The following FAM234A variants were observed in gnomAD, a reference collection of about 807,000 sequenced individuals.
FAM234A encodes protein FAM234A.
Under a neutral mutation model 49.1 loss-of-function variants are expected in FAM234A, and 42 were observed. The ratio of observed to expected loss-of-function variants is 0.86; its 90% CI spans 0.67 to 1.11. FAM234A has a LOEUF of 1.11. Among genes scored for constraint, FAM234A ranks in the 50% least tolerant of loss-of-function variants. The probability of loss-of-function intolerance (pLI) is 0.00; values close to 1 mark genes in which losing one functional copy is unlikely to be tolerated. For synonymous variants in FAM234A, 369 were observed against 316.2 expected, an observed-to-expected ratio of 1.17 and a Z score of -1.77; for missense variants, 815 against 745.2, an observed-to-expected ratio of 1.09 and a Z score of -1.09.
At chr16:257,530 GC>G (rs1337188195) in intron 3 of FAM234A, among the ~76,000 whole-genome samples, 2 of 152,038 alleles carry the variant, frequency 1.3e-5, no homozygotes, top group Non-Finnish European at 2.9e-5. Context: ...ACAGGCGTGA[GC>G]CACCGCACTC....
chr16:263,173 A>C, intron 8 of FAM234A, 89 bp from the exon 9 acceptor site: 1 of 1,487,680 alleles, frequency 6.7e-7, no homozygotes, highest in Non-Finnish European at 9.2e-7. Context: ...TAAGAGGAGC[A>C]CCCTGAGACG....
downstream of FAM234A, chr16:268,599 T>C: frequency 1.6e-6 from 1 of 637,130 alleles, no homozygotes; most frequent in East Asian, 2.7e-5. Context: ...GGGGTGACAA[T>C]GTCAGAGTTG....
chr16:264,540 G>C (rs575865837), intron 11 of FAM234A, 74 bp from the exon 12 acceptor site: 23 of 1,016,818 alleles, frequency 2.3e-5, no homozygotes, highest in Non-Finnish European at 2.9e-5. Flanking sequence ...CTCCAGGCAC[G>C]GTCACTCTGA....
intron 5 of FAM234A, chr16:260,587 G>A (rs1388369983): frequency 6.3e-6 from 3 of 475,962 alleles, no homozygotes; most frequent in African/African-American, 2.0e-5. Context: ...GAAGGTGCAG[G>A]TCTCCGAGCC....
chr16:241,155 G>A (rs1011054151), intron 1 of FAM234A, among the ~76,000 whole-genome samples: 16 of 151,982 alleles, frequency 1.1e-4, no homozygotes, highest in South Asian at 4.2e-4. Flanking sequence ...TCCTGCGCTC[G>A]AGTGATCTTC....
chr16:240,207 G>A (rs912484777), intron 1 of FAM234A: 1 of 152,066 alleles, frequency 6.6e-6, no homozygotes, highest in Admixed American at 6.6e-5. Context: ...CAAGCATTTG[G>A]GCACACTCGC....
chr16:247,406 G>C (rs1397691884), intron 1 of FAM234A, among the ~76,000 whole-genome samples: 1 of 151,594 alleles, frequency 6.6e-6, no homozygotes, highest in African/African-American at 2.4e-5. Flanking sequence ...TGGGATTATA[G>C]ACATGAGACA....
chr16:269,362 C>A, downstream of FAM234A: 1 of 1,603,408 alleles, frequency 6.2e-7, no homozygotes, highest in Non-Finnish European at 8.5e-7. Context: ...AGTGCCGTGG[C>A]CTCCACGTAA....
intron 2 of FAM234A, among the ~76,000 whole-genome samples, chr16:251,178 G>A (rs1291939602): frequency 5.3e-5 from 8 of 152,018 alleles, no homozygotes; most frequent in Non-Finnish European, 8.8e-5. Context: ...GGCTGGTCTC[G>A]AACGCCTGAC....
intron 5 of FAM234A, 161 bp from the exon 6 acceptor site, chr16:261,223 G>A (rs1390241363): frequency 2.1e-5 from 16 of 768,068 alleles, no homozygotes; most frequent in Non-Finnish European, 2.7e-5. Context: ...CAGGAGTGCC[G>A]CCCTCCCCTC....
chr16:254,537 TC>T lies in FAM234A; in HGVS notation c.127del (p.Arg43GlyfsTer42). On this transcript the variant is annotated frameshift_variant, in exon 3 of 13. Transcript: ENST00000399932. LOFTEE classifies it high-confidence loss of function. ...EDNVKSAPPQ[S>X]RLSRCRAAAF... The stretch of plus-strand genomic sequence containing the variant: ...TAACGTGAAAAGCGCGCCTCCACAG[TC>T]CCGGCTCTCCCGGTGCCGAGCGGCG... 1.2e-6 allele frequency: 2 copies of T among 1,614,218 alleles called. No individual in the cohort carries two copies. The highest frequency in any genetic ancestry group is 1.7e-6 in the Non-Finnish European group (2 of 1,180,026).
chr16:246,696 G>A (rs1414630181), intron 1 of FAM234A, among the ~76,000 whole-genome samples: 1 of 151,466 alleles, frequency 6.6e-6, no homozygotes, highest in East Asian at 1.9e-4. Context: ...TGGTATTACA[G>A]GCGTGAGCCA....
intron 3 of FAM234A, among the ~76,000 whole-genome samples, chr16:255,196 G>A (rs997105919): frequency 1.3e-5 from 2 of 152,024 alleles, no homozygotes; most frequent in Non-Finnish European, 2.9e-5. Context: ...TACCATGTTA[G>A]CCAGGCTGCT....
rs2051085347 is a variant in FAM234A at position 253,097 on chromosome 16, TCA to T, written c.-33-1283_-33-1282del. 2.0e-5 allele frequency among the ~76,000 whole-genome samples: 3 copies of T among 152,252 alleles called. No homozygotes were observed. In the East Asian group the frequency reaches 5.8e-4, roughly 29 times the overall value. On this transcript the variant is annotated intron_variant, in intron 2 of 12. Transcript: ENST00000399932. ...TCTCGTTTTATACAGTCGAAGCAGC[TCA>T]GGCTGGGTGGTGGTGGTTGGCAGAT...
At chr16:251,969 CTCT>C (rs1447386886) in intron 2 of FAM234A, among the ~76,000 whole-genome samples, 14 of 142,694 alleles carry the variant, frequency 9.8e-5, no homozygotes, top group African/African-American at 3.6e-4. Context: ...TGCCACTGCA[CTCT>C]AGCCTGGGCG....
intron 3 of FAM234A, among the ~76,000 whole-genome samples, chr16:258,296 C>T (rs1253309718): frequency 5.9e-5 from 9 of 152,136 alleles, no homozygotes; most frequent in Non-Finnish European, 1.3e-4. Flanking sequence ...GCAGAGGTCC[C>T]TGCGGCCTTC....
Position 260,718 on chromosome 16 carries a change from G to A in FAM234A, c.577+558G>A, listed in dbSNP as rs201944647. 2.0e-3 allele frequency: 920 copies of A among 454,914 alleles called. 1 individual carries two copies. Among genetic ancestry groups the A allele is most frequent in the Non-Finnish European group, 3.3e-3 (708 of 214,820 alleles). The allele number at this position is 454,914 out of a possible 1,614,324, so 28.2% of individuals were successfully genotyped here. A position where few individuals can be genotyped will look rare whatever the true frequency, so the allele number is the denominator to read the frequency against. On this transcript the variant is annotated intron_variant, in intron 5 of 12. Transcript: ENST00000399932. ...GAAGATTTCTGTGCCTAGATTTGGT[G>A]AATGTTCATATTTCCCTTACAAGCT...
At position 259,492 on chromosome 16, in the gene FAM234A, A is replaced by C. The variant is rs377484841; in HGVS notation, c.278A>C (p.Asp93Ala). The part of the protein sequence containing the change: ...RIDYSAAVIY[D>A]FLAVDDINGD... ...TGGTTTTCTCTTTCAGTTATCTATGACTTTCTGGCTGTGGATGATATAAAC... is the reference window on the plus strand; with the variant it reads ...TGGTTTTCTCTTTCAGTTATCTATGCCTTTCTGGCTGTGGATGATATAAAC... Residue 93 changes from aspartate (D) to alanine (A), a missense_variant, in exon 4 of 13, where the codon GAC becomes GCC. Physicochemically the swap from Asp to Ala is moderately radical, Grantham distance 126 (BLOSUM62 -2). Coordinates refer to ENST00000399932, the MANE Select transcript of FAM234A (RefSeq NM_032039.4). 1.4e-4 allele frequency: 224 copies of C among 1,594,246 alleles called. No individual in the cohort carries two copies. In the East Asian group the frequency reaches 3.8e-3, roughly 27 times the overall value.
chr16:264,975 G>C lies in FAM234A; in HGVS notation c.1612G>C (p.Ala538Pro), dbSNP rs757802961. The change falls in exon 13 of 13, where the codon GCC (alanine) becomes CCC (proline). Residue 538 changes from alanine (A) to proline (P), a missense_variant. Physicochemically the swap from Ala to Pro is conservative, Grantham distance 27. Transcript: ENST00000399932. ...LGEGGPDSDQ[A>P]IRDRFSRLRY... ...TGAGGGTGGGCCAGACAGTGACCAA[G>C]CCATCAGGGACCGGTTCTCCCGGCT... is the stretch of plus-strand genomic sequence containing the variant. 18 of 1,612,070 alleles carry C rather than the reference G, an allele frequency of 1.1e-5. No individual in the cohort carries two copies. Among genetic ancestry groups the C allele is most frequent in the Non-Finnish European group, 1.3e-5 (15 of 1,179,318 alleles).
Sources: allele counts gnomAD v4.1 joint callset (sites outside exome capture counted in the v4.1 genomes callset), GRCh38; gene constraint gnomAD v4.1.1; transcripts MANE v1.5; gene names NCBI Gene and HGNC (gene_info 2026-07-23, HGNC 2026-07-21).